Variants in EPAS1 observed in about 807,000 individuals in gnomAD.
EPAS1 encodes the protein endothelial PAS domain protein 1, also known as endothelial PAS domain-containing protein 1.
A neutral mutation model predicts 87.9 loss-of-function variants in EPAS1; 23 were observed. That is an observed-to-expected ratio of 0.26 (90% confidence interval 0.19 to 0.37). The LOEUF (loss-of-function observed/expected upper bound fraction) is 0.37. EPAS1 is among the 10% of genes least tolerant of loss of function. The pLI, the probability that EPAS1 is intolerant of heterozygous loss-of-function variation, is 1.00. For missense variants in EPAS1, 1,138 were observed against 1,120.7 expected, an observed-to-expected ratio of 1.02 and a Z score of -0.22; for synonymous variants, 508 against 444.3, an observed-to-expected ratio of 1.14 and a Z score of -1.80.
At chr2:46,305,549 T>C (rs1321254683) in intron 1 of EPAS1, among the ~76,000 whole-genome samples, 2 of 152,198 alleles carry the variant, frequency 1.3e-5, no homozygotes, top group African/African-American at 4.8e-5. Flanking sequence ...GATCCTTTTC[T>C]CATGTGGAAA....
At chr2:46,316,449 T>C (rs898965953) in intron 1 of EPAS1, among the ~76,000 whole-genome samples, 1 of 152,132 alleles carries the variant, frequency 6.6e-6, no homozygotes, top group African/African-American at 2.4e-5. Flanking sequence ...TTAGTAGAGA[T>C]GGGGTTTTGC....
In EPAS1 at chr2:46,332,273, GAAAA is replaced by G. The variant is rs10566727; in HGVS notation, c.27-14588_27-14585del. ...TAATGGACAGAACTGGTGTTTCACA[GAAAA>G]AAAAAAAAAAATACGTGTGTGTGTG... On this transcript the variant is annotated intron_variant, in intron 1 of 15. Coordinates refer to ENST00000263734, the MANE Select transcript of EPAS1 (RefSeq NM_001430.5). Among the ~76,000 whole-genome samples, 324 of 135,708 alleles carry G rather than the reference GAAAA, an allele frequency of 2.4e-3. 4 individuals are homozygous for G. The highest frequency in any genetic ancestry group is 8.5e-3 in the African/African-American group (303 of 35,462). 89.0% of individuals were successfully genotyped at this position (135,708 alleles called of 152,430 possible). A position where few individuals can be genotyped will look rare whatever the true frequency, so the allele number is the denominator to read the frequency against.
intron 1 of EPAS1, among the ~76,000 whole-genome samples, chr2:46,305,894 T>C (rs2104837916): frequency 6.6e-6 from 1 of 152,340 alleles, no homozygotes; most frequent in African/African-American, 2.4e-5. Flanking sequence ...CCCATTGCCC[T>C]GTAGGCTGCC....
Position 46,382,471 on chromosome 2 carries a change from A to G in EPAS1, c.2334A>G (p.Arg778=). Residue 778 remains arginine, a synonymous_variant, in exon 15 of 16, where the codon AGA becomes AGG. Coordinates refer to ENST00000263734, the MANE Select transcript of EPAS1 (RefSeq NM_001430.5). ...NPMRGLGHPL[R]HLPLPQPPSA... ...TGAGGGGCCTGGGCCATCCCCTGAG[A>G]CATCTGCCGCTGCCACAGCCTCCAT... The G allele has an allele frequency of 6.2e-7, 1 of 1,614,080 alleles. No homozygotes were observed. The highest frequency in any genetic ancestry group is 8.5e-7 in the Non-Finnish European group (1 of 1,180,028).
rs1411164095 is a variant in EPAS1, at chr2:46,360,072, C to G, written c.455-566C>G. Among the ~76,000 whole-genome samples the G allele has an allele frequency of 1.3e-5, 2 of 152,176 alleles. No individual in the cohort carries two copies. The highest frequency in any genetic ancestry group is 4.8e-5 in the African/African-American group (2 of 41,436). On this transcript the variant is annotated intron_variant, in intron 4 of 15. Transcript: ENST00000263734. The surrounding 1 kb of genome is among the most constrained non-coding windows in gnomAD (Gnocchi z 4.5). ...CTCTAGAGCCTTGATACATATGTCA[C>G]TTCAGGGACAAAGCTAATGGCATGG...
chr2:46,327,948 T>G (rs1683596036), intron 1 of EPAS1, among the ~76,000 whole-genome samples: 1 of 152,228 alleles, frequency 6.6e-6, no homozygotes, highest in African/African-American at 2.4e-5. Flanking sequence ...GTGAATTCTC[T>G]GCTCCCAAAT....
At chr2:46,367,740 C>T (rs376617268) in intron 6 of EPAS1, among the ~76,000 whole-genome samples, 4 of 152,346 alleles carry the variant, frequency 2.6e-5, no homozygotes, top group East Asian at 3.9e-4. Context: ...CAGCTGAGAC[C>T]TAAGCCTCTC....
intron 2 of EPAS1, among the ~76,000 whole-genome samples, chr2:46,348,334 G>A (rs1330466835): frequency 6.6e-6 from 1 of 152,212 alleles, no homozygotes; most frequent in Non-Finnish European, 1.5e-5. Flanking sequence ...GAGAACAGTG[G>A]GCTGAGCCCT....
intron 6 of EPAS1, 37 bp downstream of exon 6, chr2:46,361,127 T>C (rs759034513): frequency 1.1e-5 from 18 of 1,605,778 alleles, no homozygotes; most frequent in Admixed American, 1.7e-5. Flanking sequence ...TGGGCAGAGA[T>C]GGGTCTTACC....
intron 1 of EPAS1, among the ~76,000 whole-genome samples, chr2:46,326,562 T>C (rs898453316): frequency 1.3e-5 from 2 of 152,010 alleles, no homozygotes; most frequent in Non-Finnish European, 2.9e-5. Context: ...AACAAGTATT[T>C]AAAGTTCTAC....
Position 46,315,184 on chromosome 2 carries a change from G to C in EPAS1, c.26+17247G>C, listed in dbSNP as rs1683287884. 2.0e-5 allele frequency among the ~76,000 whole-genome samples: 3 copies of C among 152,292 alleles called. 1 individual carries two copies. In the South Asian group the frequency reaches 6.2e-4, roughly 32 times the overall value. On this transcript the variant is annotated intron_variant, in intron 1 of 15. Coordinates refer to ENST00000263734, the MANE Select transcript of EPAS1 (RefSeq NM_001430.5). ...TACATGAACGTATCTGAAGTTTTCA[G>C]GGCTGATACTGATGTGAGGCAACCC...
intron 1 of EPAS1, among the ~76,000 whole-genome samples, chr2:46,334,167 A>G (rs546278979): frequency 1.9e-4 from 29 of 152,292 alleles, no homozygotes; most frequent in African/African-American, 7.0e-4. Flanking sequence ...GGGCCAAAGC[A>G]TGACCAGCAG....
At chr2:46,373,139 G>A (rs1684662754) in intron 7 of EPAS1, among the ~76,000 whole-genome samples, 1 of 152,156 alleles carries the variant, frequency 6.6e-6, no homozygotes, top group African/African-American at 2.4e-5. Context: ...GTTTCCTCAT[G>A]TTAAAAGAAA....
chr2:46,380,619 C>T lies in EPAS1; in HGVS notation c.1947C>T (p.Pro649=), dbSNP rs375368276. The change falls in exon 12 of 16, where the codon CCC becomes CCT. Residue 649 remains proline (P), a synonymous_variant. Transcript: ENST00000263734. This position sits in a 1 kb window ranked among gnomAD's most constrained non-coding sequence, Gnocchi z 4.4. ...WPPDPPLHFG[P]TKWAVGDQRT... ...CAGATCCACCATTACATTTTGGGCC[C>T]ACAAAGTGGGCCGTCGGGGATCAGC... The T allele has an allele frequency of 6.2e-7, 1 of 1,613,954 alleles. No homozygotes were observed. The highest frequency in any genetic ancestry group is 8.5e-7 in the Non-Finnish European group (1 of 1,179,992).
chr2:46,349,552 G>A (rs545817917), intron 2 of EPAS1, among the ~76,000 whole-genome samples: 2 of 152,356 alleles, frequency 1.3e-5, no homozygotes, highest in African/African-American at 4.8e-5. Context: ...ACCAGCTAGA[G>A]CCTTTAGCCT....
intron 4 of EPAS1, among the ~76,000 whole-genome samples, chr2:46,357,948 T>A (rs1033311585): frequency 6.6e-6 from 1 of 152,222 alleles, no homozygotes; most frequent in African/African-American, 2.4e-5. Context: ...TGGGGCTTAA[T>A]GACTGTCAAG....
rs538198301 is a variant in EPAS1 at position 46,308,739 on chromosome 2, C to T, written c.26+10802C>T. ...TGCTTCACTTCAAGAATGCCTTATACACTAATGTGAGTACAGCCAAACAGA... is the reference window on the plus strand; with the variant it reads ...TGCTTCACTTCAAGAATGCCTTATATACTAATGTGAGTACAGCCAAACAGA... On this transcript the variant is annotated intron_variant, in intron 1 of 15. Coordinates refer to ENST00000263734, the MANE Select transcript of EPAS1 (RefSeq NM_001430.5). Among the ~76,000 whole-genome samples, 20 of 152,304 alleles carry T rather than the reference C, an allele frequency of 1.3e-4. No individual in the cohort carries two copies. In the South Asian group the frequency reaches 3.7e-3, roughly 28 times the overall value.
Position 46,384,813 on chromosome 2 carries a change from C to G in EPAS1, c.*153C>G. ...ACTTGCCCAGGTCACCAAGCAGTGG[C>G]CTTTTTCTGAGATGCTCACTTTATT... On this transcript the variant is annotated 3_prime_UTR_variant, in exon 16 of 16. Coordinates refer to ENST00000263734, the MANE Select transcript of EPAS1 (RefSeq NM_001430.5). 1.1e-6 allele frequency: 1 copy of G among 912,226 alleles called. No homozygotes were observed. Among genetic ancestry groups the G allele is most frequent in the Non-Finnish European group, 1.7e-6 (1 of 594,960 alleles). The allele number at this position is 912,226 out of a possible 1,614,324, so 56.5% of individuals were successfully genotyped here. A position where few individuals can be genotyped will look rare whatever the true frequency, so the allele number is the denominator to read the frequency against.
chr2:46,311,295 T>A (rs553447546), intron 1 of EPAS1, among the ~76,000 whole-genome samples: 183 of 152,182 alleles, frequency 1.2e-3, no homozygotes, highest in Non-Finnish European at 2.2e-3. Flanking sequence ...CCACAGTCAT[T>A]CTCTGCTCAT....
Sources: gnomAD v4.1 joint callset for allele counts (sites outside exome capture counted in the v4.1 genomes callset) on GRCh38, gnomAD v4.1.1 for gene constraint, Gnocchi (gnomAD v3.1) non-coding constraint, MANE v1.5 for transcripts, NCBI Gene and HGNC (gene_info 2026-07-23, HGNC 2026-07-21) for gene names.